ARHGEF19: variants seen among roughly 807,000 people sequenced by gnomAD.
ARHGEF19 encodes the protein Rho guanine nucleotide exchange factor 19, also known as Rho guanine nucleotide exchange factor (GEF) 19.
ARHGEF19 carries 92 observed loss-of-function variants against 87.6 expected under a neutral mutation model. The observed-to-expected ratio is 1.05, with a 90% CI of 0.89 to 1.25. ARHGEF19 has a LOEUF of 1.25. Among genes scored for constraint, ARHGEF19 ranks in the 50% most tolerant of loss-of-function variants. The pLI is 0.00. For missense variants in ARHGEF19, 1,054 were observed against 1,051.8 expected, an observed-to-expected ratio of 1.00 and a Z score of -0.03; for synonymous variants, 438 against 446.2, an observed-to-expected ratio of 0.98 and a Z score of 0.23.
rs221058 is a variant in ARHGEF19, at chr1:16,208,151, C to A, written c.487G>T (p.Gly163Cys). ...AGGGCCTGCTCTTGCACTACCTGGC[C>A]AGGCTCTAGGAAGACAGCGTGGGCC... ...PEAHAVFLEP[G>C]QVVQEQALST... Residue 163 changes from glycine (G) to cysteine (C), a missense_variant, in exon 3 of 16, where the codon GGC becomes TGC. Gly to Cys is a radical substitution (Grantham distance 159, BLOSUM62 -3). Transcript: ENST00000270747. The A allele has an allele frequency of 1.2e-6, 2 of 1,613,850 alleles. No individual in the cohort carries two copies. Among genetic ancestry groups the A allele is most frequent in the Non-Finnish European group, 1.7e-6 (2 of 1,179,984 alleles).
Position 16,206,109 on chromosome 1 carries a change from A to G in ARHGEF19, c.1299-26T>C. ...CTGAGGAGTCAGAGCCAGGATGGAG[A>G]CCCCAGATCTGGGAGCTGGCCAACC... is the stretch of plus-strand genomic sequence containing the variant. On this transcript the variant is annotated intron_variant, in intron 7 of 15. Coordinates refer to ENST00000270747, the MANE Select transcript of ARHGEF19 (RefSeq NM_153213.5). This position sits in a 1 kb window ranked among gnomAD's most constrained non-coding sequence, Gnocchi z 4.6. 6.4e-7 allele frequency: 1 copy of G among 1,573,710 alleles called. No individual in the cohort carries two copies. Among genetic ancestry groups the G allele is most frequent in the Non-Finnish European group, 8.6e-7 (1 of 1,158,536 alleles).
At position 16,202,631 on chromosome 1, in the gene ARHGEF19, A is replaced by C. The variant is rs939051992; in HGVS notation, c.1908-57T>G. The C allele has an allele frequency of 1.3e-5, 20 of 1,576,846 alleles. No homozygotes were observed. The South Asian group carries it at 2.3e-4, about 19-fold the overall frequency. ...GCCTGGGCCCTGGCTCTAGGCACCCACCCTCGGGATCAGGTGGGTTCTGAC... is the reference window on the plus strand; with the variant it reads ...GCCTGGGCCCTGGCTCTAGGCACCCCCCCTCGGGATCAGGTGGGTTCTGAC... On this transcript the variant is annotated intron_variant, in intron 12 of 15. Transcript: ENST00000270747.
intron 1 of ARHGEF19, among the ~76,000 whole-genome samples, chr1:16,212,280 G>A (rs1224243596): frequency 6.6e-6 from 1 of 152,196 alleles, no homozygotes; most frequent in Non-Finnish European, 1.5e-5. Flanking sequence ...CTGCCCAGGA[G>A]AGCTGGTACC....
At position 16,207,178 on chromosome 1, in the gene ARHGEF19, T is replaced by C. The variant is rs2081147870; in HGVS notation, c.907A>G (p.Ser303Gly). ...TGCTGCCGCCGCAGTTCGCGGGCGC[T>C]GGCCACGTCGCTGTATTCCTGATAG... ...VLYQEYSDVA[S>G]ARELRRQQRE... Residue 303 changes from serine to glycine, a missense_variant, in exon 6 of 16, where the codon AGC becomes GGC. Ser to Gly is a moderately conservative substitution (Grantham distance 56, BLOSUM62 0). Transcript: ENST00000270747. The surrounding 1 kb of genome is among the most constrained non-coding windows in gnomAD (Gnocchi z 4.0). 6.5e-7 allele frequency: 1 copy of C among 1,531,228 alleles called. No individual in the cohort carries two copies. The highest frequency in any genetic ancestry group is 8.7e-7 in the Non-Finnish European group (1 of 1,143,148). 94.9% of individuals were successfully genotyped at this position (1,531,228 alleles called of 1,614,324 possible). A position where few individuals can be genotyped will look rare whatever the true frequency, so the allele number is the denominator to read the frequency against.
At position 16,205,676 on chromosome 1, in the gene ARHGEF19, T is replaced by C. The variant is rs1414256657; in HGVS notation, c.1452-9A>G. 6.2e-7 allele frequency: 1 copy of C among 1,600,562 alleles called. No individual in the cohort carries two copies. The highest frequency in any genetic ancestry group is 1.1e-5 in the South Asian group (1 of 89,602). On this transcript the variant is annotated splice_polypyrimidine_tract_variant and intron_variant, in intron 8 of 15. Transcript: ENST00000270747. The surrounding 1 kb of genome is among the most constrained non-coding windows in gnomAD (Gnocchi z 5.8). ...ACCTGGGGTTCTCCAGGCTGGAAAATGGGGAGGACTCTGGAATCACAGGTA... is the reference window on the plus strand; with the variant it reads ...ACCTGGGGTTCTCCAGGCTGGAAAACGGGGAGGACTCTGGAATCACAGGTA...
rs564741445 is a variant in ARHGEF19 at position 16,205,755 on chromosome 1, C to A, written c.1452-88G>T. On this transcript the variant is annotated intron_variant, in intron 8 of 15. Transcript: ENST00000270747. This position sits in a 1 kb window ranked among gnomAD's most constrained non-coding sequence, Gnocchi z 5.8. ...GGCCATCCACGGGGTCCTCAGGGGG[C>A]TTCTCAGCACATCCTTACTGCCCTT... is the stretch of plus-strand genomic sequence containing the variant. 2 of 1,510,030 alleles carry A rather than the reference C, an allele frequency of 1.3e-6. No individual in the cohort carries two copies. Among genetic ancestry groups the A allele is most frequent in the Admixed American group, 2.3e-5 (1 of 43,836 alleles). 93.5% of individuals were successfully genotyped at this position (1,510,030 alleles called of 1,614,324 possible).
At position 16,205,548 on chromosome 1, in the gene ARHGEF19, A is replaced by T; in HGVS notation, c.1571T>A (p.Met524Lys). Residue 524 changes from methionine to lysine, a missense_variant, in exon 9 of 16, where the codon ATG becomes AAG. Met to Lys is a moderately conservative substitution (Grantham distance 95). Transcript: ENST00000270747. This position sits in a 1 kb window ranked among gnomAD's most constrained non-coding sequence, Gnocchi z 5.8. ...GTCCCCTCGAGGTACCTCCACCAAC[A>T]TCTTGAGGCGGGTGATCCTCTGGAA... is the stretch of plus-strand genomic sequence containing the variant. ...LPFQRITRLK[M>K]LVENILKRTA... 6.2e-7 allele frequency: 1 copy of T among 1,613,652 alleles called. No individual in the cohort carries two copies. The highest frequency in any genetic ancestry group is 8.5e-7 in the Non-Finnish European group (1 of 1,179,824).
rs1286661880 is a variant in ARHGEF19 at position 16,206,731 on chromosome 1, A to C, written c.1137+217T>G. ...CTGGCTCCGCCCCCTACCCGCACCC[A>C]AGCCCGGCTCCCCTCGCCTCTCGCT... On this transcript the variant is annotated intron_variant, in intron 6 of 15. Transcript: ENST00000270747. The surrounding 1 kb of genome is among the most constrained non-coding windows in gnomAD (Gnocchi z 4.6). Among the ~76,000 whole-genome samples the C allele has an allele frequency of 2.0e-5, 3 of 150,526 alleles. No homozygotes were observed. Among genetic ancestry groups the C allele is most frequent in the African/African-American group, 7.4e-5 (3 of 40,814 alleles).
rs2081149100 is a variant in ARHGEF19, at chr1:16,207,278, C to G, written c.875-68G>C. On this transcript the variant is annotated intron_variant, in intron 5 of 15. Transcript: ENST00000270747. The surrounding 1 kb of genome is among the most constrained non-coding windows in gnomAD (Gnocchi z 4.0). ...GCCCCTGCCCGGCTTTTCCTCGGTT[C>G]CCTCAAGAGCCCGCGTCACTTAACC... 4 of 1,449,366 alleles carry G rather than the reference C, an allele frequency of 2.8e-6. No homozygotes were observed. The highest frequency in any genetic ancestry group is 3.6e-6 in the Non-Finnish European group (4 of 1,106,508). 89.8% of individuals were successfully genotyped at this position (1,449,366 alleles called of 1,614,324 possible). A position where few individuals can be genotyped will look rare whatever the true frequency, so the allele number is the denominator to read the frequency against.
intron 1 of ARHGEF19, among the ~76,000 whole-genome samples, chr1:16,212,023 T>G (rs2081202128): frequency 1.3e-5 from 2 of 152,228 alleles, no homozygotes; most frequent in African/African-American, 4.8e-5. Context: ...AAGTGGCTCC[T>G]AAGGGACCGC....
intron 12 of ARHGEF19, 112 bp from the exon 13 acceptor site, chr1:16,202,686 T>C: frequency 7.2e-7 from 1 of 1,383,800 alleles, no homozygotes; most frequent in Non-Finnish European, 9.9e-7. Flanking sequence ...TTGCCTGCCC[T>C]GCCAGCGTTC....
intron 13 of ARHGEF19, among the ~76,000 whole-genome samples, chr1:16,202,064 C>T (rs1477363252): frequency 1.3e-5 from 2 of 150,374 alleles, no homozygotes; most frequent in Non-Finnish European, 3.0e-5. Context: ...CTGAGCATAA[C>T]AGGCCCAGAA....
In ARHGEF19 at chr1:16,202,340, G is replaced by A. The variant is rs2081090377; in HGVS notation, c.2066+76C>T. 3.7e-6 allele frequency: 3 copies of A among 819,268 alleles called. No individual in the cohort carries two copies. The Admixed American group carries it at 1.8e-4, about 50-fold the overall frequency. 50.7% of individuals were successfully genotyped at this position (819,268 alleles called of 1,614,324 possible). A position where few individuals can be genotyped will look rare whatever the true frequency, so the allele number is the denominator to read the frequency against. Reference sequence around the variant, plus strand: ...CCCAGGGGTGCCCGCCATGGGGACGGGGTGCCCATCATGGGGACGGGGTGC... The same window carrying A: ...CCCAGGGGTGCCCGCCATGGGGACGAGGTGCCCATCATGGGGACGGGGTGC... On this transcript the variant is annotated intron_variant, in intron 13 of 15. Transcript: ENST00000270747.
At chr1:16,201,951 T>C in intron 13 of ARHGEF19, 90 bp from the exon 14 acceptor site, 4 of 1,382,190 alleles carry the variant, frequency 2.9e-6, no homozygotes, top group Non-Finnish European at 4.0e-6. Context: ...GAGCCAGACA[T>C]GATGTCCAGG....
Position 16,206,569 on chromosome 1 carries a change from G to C in ARHGEF19, c.1138-229C>G, listed in dbSNP as rs1245565192. ...CCTCTCCTAAGCCCCGCCCCGACGC[G>C]TTCTTCCCAGAGCCCCGCCCACCCC... On this transcript the variant is annotated intron_variant, in intron 6 of 15. Transcript: ENST00000270747. This position sits in a 1 kb window ranked among gnomAD's most constrained non-coding sequence, Gnocchi z 4.6. The C allele has an allele frequency of 1.9e-6, 1 of 530,076 alleles. No individual in the cohort carries two copies. The highest frequency in any genetic ancestry group is 2.2e-5 in the South Asian group (1 of 45,764). The allele number at this position is 530,076 out of a possible 1,614,324, so 32.8% of individuals were successfully genotyped here.
Position 16,208,125 on chromosome 1 carries a change from C to T in ARHGEF19, c.513G>A (p.Leu171=). 1 of 1,613,638 alleles carries T rather than the reference C, an allele frequency of 6.2e-7. No homozygotes were observed. ...EPGQVVQEQA[L]STEEPRVELS... ...ACTCCACCCTGGGCTCCTCTGTGCT[C>T]AGGGCCTGCTCTTGCACTACCTGGC... The change falls in exon 3 of 16, where the codon CTG becomes CTA. Residue 171 remains leucine, a synonymous_variant. Transcript: ENST00000270747.
chr1:16,206,663 T>C lies in ARHGEF19; in HGVS notation c.1137+285A>G, dbSNP rs931728795. On this transcript the variant is annotated intron_variant, in intron 6 of 15. Coordinates refer to ENST00000270747, the MANE Select transcript of ARHGEF19 (RefSeq NM_153213.5). This position sits in a 1 kb window ranked among gnomAD's most constrained non-coding sequence, Gnocchi z 4.6. The stretch of plus-strand genomic sequence containing the variant: ...ACCAGGCGTTTGCTCTTCCAATGGT[T>C]CCGCTCCTCATCCGGCCCTGTCCTA... The C allele has an allele frequency of 2.0e-6, 1 of 504,564 alleles. No individual in the cohort carries two copies. The allele number at this position is 504,564 out of a possible 1,614,324, so 31.3% of individuals were successfully genotyped here.
At position 16,198,640 on chromosome 1, in the gene ARHGEF19, C is replaced by A; in HGVS notation, c.2356G>T (p.Glu786Ter). The A allele has an allele frequency of 6.2e-7, 1 of 1,613,758 alleles. No individual in the cohort carries two copies. Among genetic ancestry groups the A allele is most frequent in the Non-Finnish European group, 8.5e-7 (1 of 1,179,772 alleles). Residue 786 changes from glutamate (E) to a stop codon, truncating the protein, a stop_gained, in exon 16 of 16, where the codon GAG (glutamate) becomes TAG (stop). Coordinates refer to ENST00000270747, the MANE Select transcript of ARHGEF19 (RefSeq NM_153213.5). LOFTEE classifies it high-confidence loss of function. The surrounding 1 kb of genome is among the most constrained non-coding windows in gnomAD (Gnocchi z 4.1). ...SLSARLRNLR[E>*]NKRVTSATSK... ...GTGGCACTTGTGACTCGCTTATTCT[C>A]CCGGAGGTTTCGGAGGCGGGCGCTG... is the stretch of plus-strand genomic sequence containing the variant.
chr1:16,207,091 G>A lies in ARHGEF19; in HGVS notation c.994C>T (p.Arg332Trp). 6.6e-7 allele frequency: 1 copy of A among 1,506,674 alleles called. No individual in the cohort carries two copies. The allele number at this position is 1,506,674 out of a possible 1,614,324, so 93.3% of individuals were successfully genotyped here. Reference sequence around the variant, plus strand: ...GAGCTGCTGGGGGAGAGGTTGGCCCGCGGCGGCCCCGGCCCCTCCTCTGCG... The same window carrying A: ...GAGCTGCTGGGGGAGAGGTTGGCCCACGGCGGCCCCGGCCCCTCCTCTGCG... ...EGAEEGPGPP[R>W]ANLSPSSSFR... Residue 332 changes from arginine (R) to tryptophan (W), a missense_variant, in exon 6 of 16, where the codon CGG becomes TGG. Transcript: ENST00000270747. The surrounding 1 kb of genome is among the most constrained non-coding windows in gnomAD (Gnocchi z 4.0).
Sources: gnomAD v4.1 joint callset for allele counts (sites outside exome capture counted in the v4.1 genomes callset) on GRCh38, gnomAD v4.1.1 for gene constraint, Gnocchi (gnomAD v3.1) non-coding constraint, MANE v1.5 for transcripts, NCBI Gene and HGNC (gene_info 2026-07-23, HGNC 2026-07-21) for gene names.